FAM174B: variants seen among roughly 807,000 people sequenced by gnomAD.
The protein encoded by FAM174B is membrane protein FAM174B.
Under a neutral mutation model 10.9 loss-of-function variants are expected in FAM174B, and 12 were observed. That is an observed-to-expected ratio of 1.10 (90% CI 0.71 to 1.79). FAM174B has a LOEUF of 1.79. Ranked by LOEUF, FAM174B falls within the 40% of genes most tolerant of loss-of-function variation. The pLI is 0.00. For synonymous variants in FAM174B, 132 were observed against 115.8 expected (o/e 1.14, Z -0.90); for missense variants, 266 against 233.3 (o/e 1.14, Z -0.91).
intron 2 of FAM174B, 33 bp downstream of exon 2, chr15:92,630,181 G>T (rs1401899981): frequency 6.2e-7 from 1 of 1,609,096 alleles, no homozygotes; most frequent in African/African-American, 1.3e-5. Flanking sequence ...ACTGCCCCAA[G>T]CCCAGGAGGA....
chr15:92,646,708 A>G (rs2050930412), intron 1 of FAM174B, among the ~76,000 whole-genome samples: 1 of 152,350 alleles, frequency 6.6e-6, no homozygotes, highest in South Asian at 2.1e-4. Context: ...CTTCGCCTGC[A>G]TAATAAAACC....
intron 1 of FAM174B, chr15:92,653,157 G>A (rs1170042066): frequency 6.6e-6 from 1 of 152,096 alleles, no homozygotes; most frequent in African/African-American, 2.4e-5. Flanking sequence ...TGCCTTCCTG[G>A]GAAGAGACGC....
At chr15:92,630,936 C>T (rs547987425) in intron 1 of FAM174B, among the ~76,000 whole-genome samples, 2 of 24,420 alleles carry the variant, frequency 8.2e-5, no homozygotes, top group African/African-American at 1.1e-4. Flanking sequence ...TTACATATTA[C>T]ATATTATATA....
intron 1 of FAM174B, among the ~76,000 whole-genome samples, chr15:92,648,301 G>T (rs1461447183): frequency 3.3e-5 from 5 of 152,168 alleles, no homozygotes; most frequent in African/African-American, 1.2e-4. Flanking sequence ...AGAGTTTGGG[G>T]TTTTTGTCAA....
At position 92,631,272 on chromosome 15, in the gene FAM174B, AT is replaced by A. The variant is rs1201031504; in HGVS notation, c.345-928del. ...TTATATATAATATATTATATATTAT[AT>A]TATATATAATATATTATATATTATA... On this transcript the variant is annotated intron_variant, in intron 1 of 2. Coordinates refer to ENST00000327355, the MANE Select transcript of FAM174B (RefSeq NM_207446.3). Among the ~76,000 whole-genome samples, 17 of 14,932 alleles carry A rather than the reference AT, an allele frequency of 1.1e-3. 5 individuals are homozygous for A. Among genetic ancestry groups the A allele is most frequent in the African/African-American group, 4.9e-3 (17 of 3,470 alleles). The allele number at this position is 14,932 out of a possible 152,430, so 9.8% of individuals were successfully genotyped here.
At position 92,655,467 on chromosome 15, in the gene FAM174B, TGCC is replaced by T. The variant is rs2050997298; in HGVS notation, c.190_192del (p.Gly64del). ...CTGCTGTTGGAGCTGGAGCTGCCGCTGCCGCCCGCCGCCCCAGACCCAAACCGG... is the reference window on the plus strand; with the variant it reads ...CTGCTGTTGGAGCTGGAGCTGCCGCTGCCCGCCGCCCCAGACCCAAACCGG... On this transcript the variant is annotated inframe_deletion, in exon 1 of 3. Coordinates refer to ENST00000327355, the MANE Select transcript of FAM174B (RefSeq NM_207446.3). The T allele has an allele frequency of 6.4e-7, 1 of 1,556,396 alleles. No homozygotes were observed. The highest frequency in any genetic ancestry group is 1.9e-5 in the Admixed American group (1 of 51,816).
Position 92,619,078 on chromosome 15 carries a change from T to C in FAM174B, c.*378A>G, listed in dbSNP as rs1438233619. 2 of 624,666 alleles carry C rather than the reference T, an allele frequency of 3.2e-6. No individual in the cohort carries two copies. Among genetic ancestry groups the C allele is most frequent in the Non-Finnish European group, 5.7e-6 (2 of 350,188 alleles). 38.7% of individuals were successfully genotyped at this position (624,666 alleles called of 1,614,324 possible). On this transcript the variant is annotated 3_prime_UTR_variant, in exon 3 of 3. Coordinates refer to ENST00000327355, the MANE Select transcript of FAM174B (RefSeq NM_207446.3). ...AGTTGGACATCCTTCAGGCTTGTTTTAGATTCTTGATCCTCCTGATCTCTT... is the reference window on the plus strand; with the variant it reads ...AGTTGGACATCCTTCAGGCTTGTTTCAGATTCTTGATCCTCCTGATCTCTT...
intron 1 of FAM174B, among the ~76,000 whole-genome samples, chr15:92,638,921 G>C (rs1040359274): frequency 2.0e-5 from 3 of 152,190 alleles, no homozygotes; most frequent in African/African-American, 7.2e-5. Context: ...ACAGCACTGG[G>C]GTGACGGTAC....
At chr15:92,622,851 C>A (rs763952220) in intron 2 of FAM174B, among the ~76,000 whole-genome samples, 9 of 152,178 alleles carry the variant, frequency 5.9e-5, no homozygotes, top group Non-Finnish European at 1.3e-4. Flanking sequence ...GAGGGCTTGC[C>A]AGGTGGTCTT....
In FAM174B at chr15:92,619,306, G is replaced by T; in HGVS notation, c.*150C>A. On this transcript the variant is annotated 3_prime_UTR_variant, in exon 3 of 3. Transcript: ENST00000327355. ...CCAGTGACAGTCTGAGCAGATGCCT[G>T]ACACGCACGATGGAGCTGGGGTTTT... The T allele has an allele frequency of 2.4e-6, 2 of 834,828 alleles. No homozygotes were observed. The highest frequency in any genetic ancestry group is 1.4e-5 in the South Asian group (1 of 70,300). 51.7% of individuals were successfully genotyped at this position (834,828 alleles called of 1,614,324 possible).
At chr15:92,621,044 G>A (rs1045867829) in intron 2 of FAM174B, among the ~76,000 whole-genome samples, 1 of 152,016 alleles carries the variant, frequency 6.6e-6, no homozygotes, top group Non-Finnish European at 1.5e-5. Flanking sequence ...ACCATAACAG[G>A]TAGCTATTTA....
chr15:92,654,675 G>C (rs902527109), intron 1 of FAM174B, among the ~76,000 whole-genome samples: 1 of 152,146 alleles, frequency 6.6e-6, no homozygotes, highest in East Asian at 1.9e-4. Flanking sequence ...GCCACCAAGG[G>C]TCGCCTAGAA....
intron 1 of FAM174B, chr15:92,634,703 C>A (rs1596298672): frequency 6.6e-6 from 1 of 152,274 alleles, no homozygotes. Context: ...CTTGAGTGGG[C>A]CACAGGGTGC....
intron 1 of FAM174B, among the ~76,000 whole-genome samples, chr15:92,648,053 ATC>A (rs2050940115): frequency 6.6e-6 from 1 of 152,230 alleles, no homozygotes; most frequent in African/African-American, 2.4e-5. Flanking sequence ...ACCTCTTTGA[ATC>A]TGCCTATGGT....
At chr15:92,622,091 G>A (rs977490003) in intron 2 of FAM174B, among the ~76,000 whole-genome samples, 4 of 152,216 alleles carry the variant, frequency 2.6e-5, no homozygotes, top group African/African-American at 4.8e-5. Flanking sequence ...CAGAATCAAC[G>A]GAGATGCAAA....
At chr15:92,652,862 C>G (rs1164340844) in intron 1 of FAM174B, among the ~76,000 whole-genome samples, 3 of 152,096 alleles carry the variant, frequency 2.0e-5, no homozygotes, top group African/African-American at 7.2e-5. Flanking sequence ...GGTTAGCTGA[C>G]TAACCAAGGT....
At chr15:92,643,343 A>AGTGTGTGTGTGTGT (rs1309760071) in intron 1 of FAM174B, among the ~76,000 whole-genome samples, 14 of 17,886 alleles carry the variant, frequency 7.8e-4, no homozygotes, top group Admixed American at 3.0e-3. Flanking sequence ...ATAGGGAAGG[A>AGTGTGTGTGTGTGT]ATGTGTGTGT....
chr15:92,636,841 A>C (rs1387561346), intron 1 of FAM174B, among the ~76,000 whole-genome samples: 1 of 152,184 alleles, frequency 6.6e-6, no homozygotes, highest in Non-Finnish European at 1.5e-5. Context: ...GTTCGCAGCC[A>C]CTTGACTTTA....
intron 1 of FAM174B, among the ~76,000 whole-genome samples, chr15:92,647,391 C>T (rs1312531928): frequency 2.0e-5 from 3 of 152,126 alleles, no homozygotes; most frequent in African/African-American, 2.4e-5. Flanking sequence ...TGGGATTGGA[C>T]GGCTCCTTAT....
Sources: allele counts gnomAD v4.1 joint callset (sites outside exome capture counted in the v4.1 genomes callset), GRCh38; gene constraint gnomAD v4.1.1; transcripts MANE v1.5; gene names NCBI Gene and HGNC (gene_info 2026-07-23, HGNC 2026-07-21).